Variants in FSTL4 observed in about 807,000 individuals in gnomAD.
FSTL4 encodes follistatin like 4, also known as follistatin-related protein 4.
Under a neutral mutation model 78.2 loss-of-function variants are expected in FSTL4, and 28 were observed. The ratio of observed to expected loss-of-function variants is 0.36; its 90% confidence interval spans 0.27 to 0.49. The LOEUF is 0.49. FSTL4 is among the 20% of genes least tolerant of loss of function. FSTL4 has a pLI of 0.98. For synonymous variants in FSTL4, 422 were observed against 440.5 expected (o/e 0.96, Z 0.53); for missense variants, 922 against 1,084.9 (o/e 0.85, Z 2.11).
At position 133,262,485 on chromosome 5, in the gene FSTL4, C is replaced by T. The variant is rs1052622983; in HGVS notation, c.728-12909G>A. On this transcript the variant is annotated intron_variant, in intron 6 of 15. Transcript: ENST00000265342. The stretch of plus-strand genomic sequence containing the variant: ...CATGCATGCTTGTTCAATACCCATG[C>T]GCCAGGACCACCTTCCTAAATGTCC... Among the ~76,000 whole-genome samples, 5 of 152,180 alleles carry T rather than the reference C, an allele frequency of 3.3e-5. No homozygotes were observed. In the East Asian group the frequency reaches 5.8e-4, roughly 18 times the overall value.
chr5:133,660,974 T>C, the FSTL4 span, among the ~76,000 whole-genome samples: 1 of 139,828 alleles, frequency 7.2e-6, no homozygotes, highest in African/African-American at 2.9e-5. Context: ...GCCAACTGTG[T>C]TCAAAACTTT....
intron 4 of FSTL4, among the ~76,000 whole-genome samples, chr5:133,365,409 G>A (rs956222861): frequency 6.6e-6 from 1 of 152,156 alleles, no homozygotes; most frequent in Non-Finnish European, 1.5e-5. Flanking sequence ...GAGCCAGGGG[G>A]ACCACCCAGG....
At chr5:133,824,793 G>A in the FSTL4 span, among the ~76,000 whole-genome samples, 10,065 of 152,002 alleles carry the variant, frequency 0.066, 462 homozygotes, top group Admixed American at 0.13. Flanking sequence ...GGCATGCACC[G>A]GGAAACCACC....
chr5:133,769,425 C>T, the FSTL4 span, among the ~76,000 whole-genome samples: 1 of 152,172 alleles, frequency 6.6e-6, no homozygotes, highest in Non-Finnish European at 1.5e-5. Flanking sequence ...AGATGTGGAC[C>T]ATATGACGCC....
chr5:133,754,873 C>T, the FSTL4 span, among the ~76,000 whole-genome samples: 1 of 152,130 alleles, frequency 6.6e-6, no homozygotes, highest in Non-Finnish European at 1.5e-5. Flanking sequence ...GCCATCCCTC[C>T]CACCTTCCCC....
the FSTL4 span, among the ~76,000 whole-genome samples, chr5:133,700,028 G>A: frequency 1.5e-4 from 23 of 152,088 alleles, no homozygotes; most frequent in African/African-American, 4.1e-4. Flanking sequence ...ACATTTGCCC[G>A]CGGTCTTCAT....
chr5:133,433,001 C>T (rs1756971622), intron 3 of FSTL4, among the ~76,000 whole-genome samples: 2 of 152,220 alleles, frequency 1.3e-5, no homozygotes, highest in African/African-American at 4.8e-5. Context: ...CAGAAGGCTT[C>T]TTGGGTTCTT....
At chr5:133,830,644 C>T in the FSTL4 span, among the ~76,000 whole-genome samples, 5 of 152,206 alleles carry the variant, frequency 3.3e-5, no homozygotes, top group African/African-American at 9.6e-5. Flanking sequence ...GAGCCTCAGG[C>T]AGGGCCATGC....
At chr5:133,550,764 A>G (rs1241043089) in intron 3 of FSTL4, among the ~76,000 whole-genome samples, 2 of 152,264 alleles carry the variant, frequency 1.3e-5, no homozygotes, top group Non-Finnish European at 2.9e-5. Flanking sequence ...TAGAGAACAC[A>G]GAAGGAGACA....
intron 5 of FSTL4, among the ~76,000 whole-genome samples, chr5:133,314,350 T>C (rs772571355): frequency 6.6e-6 from 1 of 152,194 alleles, no homozygotes; most frequent in Non-Finnish European, 1.5e-5. Flanking sequence ...CCGGGGGCCA[T>C]GGGCAGCAAG....
At position 133,338,788 on chromosome 5, in the gene FSTL4, C is replaced by T. The variant is rs374172444; in HGVS notation, c.410-22136G>A. 4.6e-5 allele frequency among the ~76,000 whole-genome samples: 7 copies of T among 152,140 alleles called. No individual in the cohort carries two copies. The highest frequency in any genetic ancestry group is 1.7e-4 in the African/African-American group (7 of 41,428). On this transcript the variant is annotated intron_variant, in intron 4 of 15. Coordinates refer to ENST00000265342, the MANE Select transcript of FSTL4 (RefSeq NM_015082.2). This position sits in a 1 kb window ranked among gnomAD's most constrained non-coding sequence, Gnocchi z 4.0. ...CAAGCCCCCTGCTTCCCAAATCGCA[C>T]ACCTGGCACTACCTCACCATCTTGC...
Position 133,414,617 on chromosome 5 carries a change from C to T in FSTL4, c.161-13631G>A, listed in dbSNP as rs137910103. 3.1e-3 allele frequency among the ~76,000 whole-genome samples: 466 copies of T among 152,322 alleles called. 2 individuals carry two copies. Among genetic ancestry groups the T allele is most frequent in the Admixed American group, 4.3e-3 (66 of 15,302 alleles). Reference sequence around the variant, plus strand: ...AGGTAGTCCTTATTTTCTTACCAAGCACATCAGTGTTTAAAAGGATTTTAA... The same window carrying T: ...AGGTAGTCCTTATTTTCTTACCAAGTACATCAGTGTTTAAAAGGATTTTAA... On this transcript the variant is annotated intron_variant, in intron 3 of 15. Transcript: ENST00000265342.
chr5:133,658,725 C>A, the FSTL4 span, among the ~76,000 whole-genome samples: 2 of 152,030 alleles, frequency 1.3e-5, no homozygotes, highest in Non-Finnish European at 1.5e-5. Context: ...AACTGTCTTA[C>A]TTGCATTCTT....
intron 4 of FSTL4, among the ~76,000 whole-genome samples, chr5:133,383,657 T>G (rs1339136799): frequency 6.6e-6 from 1 of 152,254 alleles, no homozygotes; most frequent in Non-Finnish European, 1.5e-5. Flanking sequence ...AATTGGCTGC[T>G]GCCTTATTAA....
the FSTL4 span, among the ~76,000 whole-genome samples, chr5:133,650,946 C>A: frequency 1.3e-5 from 2 of 152,164 alleles, no homozygotes; most frequent in African/African-American, 4.8e-5. Flanking sequence ...TTTCCTCATA[C>A]AGATCTTATA....
chr5:133,777,848 T>C, the FSTL4 span, among the ~76,000 whole-genome samples: 1 of 152,324 alleles, frequency 6.6e-6, no homozygotes, highest in Admixed American at 6.5e-5. Flanking sequence ...TAAAAACAAA[T>C]TGCAATGAAC....
intron 2 of FSTL4, among the ~76,000 whole-genome samples, chr5:133,596,421 A>G (rs1178276932): frequency 6.6e-6 from 1 of 152,236 alleles, no homozygotes; most frequent in Non-Finnish European, 1.5e-5. Flanking sequence ...TGCAAGAAAT[A>G]GAATATGACT....
In FSTL4 at chr5:133,271,206, T is replaced by G. The variant is rs773863483; in HGVS notation, c.728-21630A>C. Among the ~76,000 whole-genome samples the G allele has an allele frequency of 4.2e-4, 64 of 152,306 alleles. 1 individual carries two copies. The highest frequency in any genetic ancestry group is 6.8e-3 in the Middle Eastern group (2 of 294). On this transcript the variant is annotated intron_variant, in intron 6 of 15. Transcript: ENST00000265342. The stretch of plus-strand genomic sequence containing the variant: ...AGATGAATCTAGTGCCCCTGGTAGG[T>G]GATTACATTAAGCCATTGAGACAAT...
intron 4 of FSTL4, among the ~76,000 whole-genome samples, chr5:133,389,176 T>C (rs1464462415): frequency 2.0e-5 from 3 of 152,204 alleles, no homozygotes; most frequent in African/African-American, 4.8e-5. Context: ...CAAAGCATGC[T>C]CTTTTGCTGC....
Sources: allele counts gnomAD v4.1 joint callset (sites outside exome capture counted in the v4.1 genomes callset), GRCh38; gene constraint gnomAD v4.1.1; non-coding constraint Gnocchi (gnomAD v3.1); transcripts MANE v1.5; gene names NCBI Gene and HGNC (gene_info 2026-07-23, HGNC 2026-07-21).